ATXN7L1: variants seen among roughly 807,000 people sequenced by gnomAD.
ATXN7L1 encodes ataxin-7-like protein 1.
A neutral mutation model predicts 70.8 loss-of-function variants in ATXN7L1; 15 were observed. The ratio of observed to expected loss-of-function variants is 0.21; its 90% CI spans 0.14 to 0.33. The LOEUF (loss-of-function observed/expected upper bound fraction) is 0.33, where lower values mean the gene tolerates loss of function less well. Among genes scored for constraint, ATXN7L1 ranks in the 10% least tolerant of loss-of-function variants. The pLI is 1.00. For missense variants in ATXN7L1, 975 were observed against 1,097.1 expected, an observed-to-expected ratio of 0.89 and a Z score of 1.57; for synonymous variants, 440 against 445.1, an observed-to-expected ratio of 0.99 and a Z score of 0.14.
chr7:105,852,097 C>T lies in ATXN7L1; in HGVS notation c.250+23715G>A, dbSNP rs146216258. ...GTACCATCCTCCCTCTGTGAAGTTC[C>T]ATCACCTTCCTGTTCTATGTCGTCC... On this transcript the variant is annotated intron_variant, in intron 2 of 11. Coordinates refer to ENST00000419735, the MANE Select transcript of ATXN7L1 (RefSeq NM_020725.2). Among the ~76,000 whole-genome samples the T allele has an allele frequency of 4.3e-3, 658 of 152,242 alleles. 7 individuals carry two copies. Among genetic ancestry groups the T allele is most frequent in the African/African-American group, 0.015 (627 of 41,538 alleles).
intron 3 of ATXN7L1, among the ~76,000 whole-genome samples, chr7:105,677,672 T>C (rs1804897163): frequency 6.6e-6 from 1 of 152,198 alleles, no homozygotes; most frequent in South Asian, 2.1e-4. Flanking sequence ...TGATACATGA[T>C]AATGTCCATT....
chr7:105,673,873 T>C (rs987403822), intron 3 of ATXN7L1, among the ~76,000 whole-genome samples: 1 of 152,228 alleles, frequency 6.6e-6, no homozygotes, highest in Non-Finnish European at 1.5e-5. Context: ...CGTAGTTAGA[T>C]ACTAAACTTA....
intron 7 of ATXN7L1, among the ~76,000 whole-genome samples, chr7:105,633,606 G>C (rs1644004994): frequency 6.6e-6 from 1 of 152,034 alleles, no homozygotes; most frequent in South Asian, 2.1e-4. Flanking sequence ...TGTAATCCCA[G>C]CTACTCGGGA....
At chr7:105,733,682 C>T (rs1417952236) in intron 3 of ATXN7L1, among the ~76,000 whole-genome samples, 1 of 76,954 alleles carries the variant, frequency 1.3e-5, no homozygotes, top group Non-Finnish European at 2.8e-5. Flanking sequence ...ATCCATCCAC[C>T]CATCCACCCA....
intron 3 of ATXN7L1, among the ~76,000 whole-genome samples, chr7:105,673,712 G>C (rs1049016377): frequency 6.6e-6 from 1 of 152,222 alleles, no homozygotes; most frequent in African/African-American, 2.4e-5. Flanking sequence ...AGCCAGGCCA[G>C]CTGTACTTAC....
At chr7:105,623,780 G>A (rs752012624) in intron 8 of ATXN7L1, among the ~76,000 whole-genome samples, 5 of 152,198 alleles carry the variant, frequency 3.3e-5, no homozygotes, top group Non-Finnish European at 4.4e-5. Flanking sequence ...TATTTCTCAC[G>A]CGTGCTCGCT....
intron 4 of ATXN7L1, among the ~76,000 whole-genome samples, chr7:105,645,810 CACAAACAAACAA>C (rs58661590): frequency 0.011 from 1,539 of 143,356 alleles, 15 homozygotes; most frequent in Non-Finnish European, 0.016. Context: ...GAGACGCCAC[CACAAACAAACAA>C]ACAAACAAAC....
chr7:105,636,797 G>A (rs1403193722), intron 7 of ATXN7L1, among the ~76,000 whole-genome samples: 2 of 152,180 alleles, frequency 1.3e-5, no homozygotes. Flanking sequence ...GGGTGTGGGG[G>A]ACAATGGCTC....
intron 2 of ATXN7L1, among the ~76,000 whole-genome samples, chr7:105,801,597 T>G (rs1806831919): frequency 6.6e-6 from 1 of 152,052 alleles, no homozygotes; most frequent in South Asian, 2.1e-4. Context: ...GGGGAAAGAG[T>G]GTTCTGTACA....
chr7:105,837,007 A>T (rs913046978), intron 2 of ATXN7L1, among the ~76,000 whole-genome samples: 1 of 152,150 alleles, frequency 6.6e-6, no homozygotes, highest in African/African-American at 2.4e-5. Flanking sequence ...TGGTACTGAC[A>T]TTGCTCGGCT....
At chr7:105,839,848 G>A (rs1178144144) in intron 2 of ATXN7L1, among the ~76,000 whole-genome samples, 1 of 152,190 alleles carries the variant, frequency 6.6e-6, no homozygotes, top group Admixed American at 6.5e-5. Flanking sequence ...CAGAAAGGAG[G>A]ACAGGTGAAA....
At chr7:105,858,971 AC>A (rs1816143667) in intron 2 of ATXN7L1, among the ~76,000 whole-genome samples, 1 of 152,166 alleles carries the variant, frequency 6.6e-6, no homozygotes, top group African/African-American at 2.4e-5. Context: ...ATTAAAAGCT[AC>A]TGAAGAGATA....
chr7:105,640,707 T>C (rs1483515567), intron 5 of ATXN7L1, among the ~76,000 whole-genome samples: 7 of 152,238 alleles, frequency 4.6e-5, no homozygotes, highest in Non-Finnish European at 7.3e-5. Context: ...TTATTTTTTG[T>C]AGATACAGGG....
At chr7:105,784,694 T>C (rs566526199) in intron 3 of ATXN7L1, among the ~76,000 whole-genome samples, 8 of 152,246 alleles carry the variant, frequency 5.3e-5, no homozygotes, top group African/African-American at 1.9e-4. Context: ...ATCAGTCACA[T>C]CATCCCAGCA....
intron 3 of ATXN7L1, among the ~76,000 whole-genome samples, chr7:105,719,168 GC>G (rs1794909197): frequency 6.6e-6 from 1 of 152,178 alleles, no homozygotes; most frequent in African/African-American, 2.4e-5. Context: ...AGAGAAAGAG[GC>G]CTGGATGGGT....
intron 3 of ATXN7L1, among the ~76,000 whole-genome samples, chr7:105,701,660 C>T (rs1293371283): frequency 6.6e-6 from 1 of 151,774 alleles, no homozygotes; most frequent in African/African-American, 2.4e-5. Flanking sequence ...TCTACTCATA[C>T]AAAAAAAGGG....
chr7:105,679,126 G>C, intron 3 of ATXN7L1: 2 of 986,082 alleles, frequency 2.0e-6, no homozygotes, highest in Non-Finnish European at 2.4e-6. Flanking sequence ...CGTGGTAGTA[G>C]ATGTTTCCTG....
chr7:105,688,206 C>T (rs1790219078), intron 3 of ATXN7L1, among the ~76,000 whole-genome samples: 1 of 152,128 alleles, frequency 6.6e-6, no homozygotes, highest in Non-Finnish European at 1.5e-5. Context: ...AGCCTGCATA[C>T]CCTACCCTGA....
At chr7:105,697,320 C>T (rs1215279229) in intron 3 of ATXN7L1, among the ~76,000 whole-genome samples, 2 of 152,188 alleles carry the variant, frequency 1.3e-5, no homozygotes, top group Non-Finnish European at 2.9e-5. Context: ...CCCAGAGGGG[C>T]CAGTTCAGAG....
Sources: allele counts gnomAD v4.1 joint callset (sites outside exome capture counted in the v4.1 genomes callset), GRCh38; gene constraint gnomAD v4.1.1; transcripts MANE v1.5; gene names NCBI Gene and HGNC (gene_info 2026-07-23, HGNC 2026-07-21).